The following GPR158 variants were observed in gnomAD, a reference collection of about 807,000 sequenced individuals.
GPR158 encodes the protein G protein-coupled receptor 158.
A neutral mutation model predicts 78.2 loss-of-function variants in GPR158; 30 were observed. That is an observed-to-expected ratio of 0.38 (90% CI 0.29 to 0.52). The LOEUF is 0.52. GPR158 is among the 20% of genes least tolerant of loss of function. GPR158 has a pLI of 0.83. For missense variants in GPR158, 1,463 were observed against 1,523.5 expected, an observed-to-expected ratio of 0.96 and a Z score of 0.66; for synonymous variants, 581 against 591.1, an observed-to-expected ratio of 0.98 and a Z score of 0.25.
At chr10:25,489,843 C>A (rs931340218) in intron 5 of GPR158, among the ~76,000 whole-genome samples, 1 of 152,130 alleles carries the variant, frequency 6.6e-6, no homozygotes, top group African/African-American at 2.4e-5. Context: ...TCATACCATA[C>A]ACACAGAGAA....
chr10:25,226,367 T>C (rs990193532), intron 2 of GPR158, among the ~76,000 whole-genome samples: 16 of 152,236 alleles, frequency 1.1e-4, no homozygotes, highest in African/African-American at 3.9e-4. Context: ...CACAGGCTTT[T>C]TAAAACTTTC....
chr10:25,339,839 G>A (rs761495930), intron 2 of GPR158, among the ~76,000 whole-genome samples: 1 of 152,012 alleles, frequency 6.6e-6, no homozygotes, highest in Non-Finnish European at 1.5e-5. Flanking sequence ...AACTGACCTT[G>A]TATTTCTGGA....
chr10:25,578,926 G>A (rs975175949), intron 7 of GPR158, among the ~76,000 whole-genome samples: 6 of 151,950 alleles, frequency 3.9e-5, no homozygotes, highest in Admixed American at 1.3e-4. Context: ...GGAGAATGGC[G>A]TGAACCTGGG....
At chr10:25,378,331 A>G (rs1834111311) in intron 2 of GPR158, among the ~76,000 whole-genome samples, 1 of 152,046 alleles carries the variant, frequency 6.6e-6, no homozygotes, top group African/African-American at 2.4e-5. Context: ...TTTCATATAA[A>G]CTGAATGGCT....
In GPR158 at chr10:25,303,330, C is replaced by G. The variant is rs1475574341; in HGVS notation, c.1008+82173C>G. Among the ~76,000 whole-genome samples, 5 of 152,134 alleles carry G rather than the reference C, an allele frequency of 3.3e-5. No homozygotes were observed. The East Asian group carries it at 9.6e-4, about 29-fold the overall frequency. The stretch of plus-strand genomic sequence containing the variant: ...TGGACAGCCCAGGTTTAGGACATTT[C>G]CATTAGAAAGCTCTATTGGACGTCA... On this transcript the variant is annotated intron_variant, in intron 2 of 10. Coordinates refer to ENST00000376351, the MANE Select transcript of GPR158 (RefSeq NM_020752.3).
At chr10:25,570,558 A>G (rs1836991809) in intron 6 of GPR158, among the ~76,000 whole-genome samples, 2 of 152,108 alleles carry the variant, frequency 1.3e-5, no homozygotes, top group South Asian at 4.1e-4. Flanking sequence ...ACTTCCACTA[A>G]GTTAGCTTTT....
chr10:25,594,535 G>T, intron 9 of GPR158, 138 bp downstream of exon 9: 2 of 467,766 alleles, frequency 4.3e-6, no homozygotes, highest in Non-Finnish European at 3.8e-6. Flanking sequence ...TCAGGAAACT[G>T]GCTGTTTTCT....
rs11393897 is a variant in GPR158 at position 25,379,647 on chromosome 10, C to CTTTTT, written c.1009-16250_1009-16246dup. Among the ~76,000 whole-genome samples the CTTTTT allele has an allele frequency of 2.9e-3, 311 of 106,982 alleles. 14 individuals carry two copies. Among genetic ancestry groups the CTTTTT allele is most frequent in the Non-Finnish European group, 4.5e-3 (247 of 55,402 alleles). 70.2% of individuals were successfully genotyped at this position (106,982 alleles called of 152,430 possible). On this transcript the variant is annotated intron_variant, in intron 2 of 10. Transcript: ENST00000376351. ...TTCAACAAATTTTTTTGAGGATTAG[C>CTTTTT]TTTTTTTTTTTTTTTTTTCTGTACT...
chr10:25,359,605 C>T (rs115491969), intron 2 of GPR158, among the ~76,000 whole-genome samples: 1,693 of 152,124 alleles, frequency 0.011, 35 homozygotes, highest in African/African-American at 0.038. Flanking sequence ...TTTTTATGGC[C>T]GCACAGTATT....
intron 2 of GPR158, among the ~76,000 whole-genome samples, chr10:25,288,092 A>G (rs186592257): frequency 3.9e-5 from 6 of 152,322 alleles, no homozygotes; most frequent in Admixed American, 3.9e-4. Flanking sequence ...AATGCATACT[A>G]TGTGTGAAAC....
chr10:25,476,169 A>C (rs1466883944), intron 5 of GPR158, among the ~76,000 whole-genome samples: 1 of 152,170 alleles, frequency 6.6e-6, no homozygotes, highest in Non-Finnish European at 1.5e-5. Context: ...AAGTCTGTAC[A>C]TTTGTGAACG....
rs2130639171 is a variant in GPR158 at position 25,483,707 on chromosome 10, G to C, written c.1404+16988G>C. On this transcript the variant is annotated intron_variant, in intron 5 of 10. Transcript: ENST00000376351. ...GCTTAAAAAATATTTGTTAAATAATGAACATTTTTCAGAAATTTCTTCATA... is the reference window on the plus strand; with the variant it reads ...GCTTAAAAAATATTTGTTAAATAATCAACATTTTTCAGAAATTTCTTCATA... Among the ~76,000 whole-genome samples, 2 of 152,194 alleles carry C rather than the reference G, an allele frequency of 1.3e-5. 1 individual carries two copies. The highest frequency in any genetic ancestry group is 3.9e-4 in the East Asian group (2 of 5,166).
In GPR158 at chr10:25,599,238, T is replaced by C; in HGVS notation, c.3612T>C (p.Pro1204=). The C allele has an allele frequency of 6.2e-7, 1 of 1,612,508 alleles. No individual in the cohort carries two copies. Among genetic ancestry groups the C allele is most frequent in the Non-Finnish European group, 8.5e-7 (1 of 1,179,702 alleles). Residue 1204 remains proline, a synonymous_variant, in exon 11 of 11, where the codon CCT becomes CCC. Transcript: ENST00000376351. ...SALSANKIAG[P]RKEEIWDSFK... is the part of the protein sequence containing the mutation. ...TAAGTGCAAATAAGATAGCAGGGCC[T>C]AGGAAAGAAGAGATCTGGGATAGTT...
intron 2 of GPR158, among the ~76,000 whole-genome samples, chr10:25,221,871 C>T (rs993574863): frequency 2.6e-5 from 4 of 152,176 alleles, no homozygotes; most frequent in African/African-American, 4.8e-5. Context: ...ATCTTAAATA[C>T]TTGGGCTAGT....
chr10:25,544,281 T>C (rs1372714183), intron 5 of GPR158, among the ~76,000 whole-genome samples: 1 of 117,356 alleles, frequency 8.5e-6, no homozygotes, highest in Admixed American at 8.1e-5. Flanking sequence ...AGAATCAGCA[T>C]AGTGTTTTAT....
intron 2 of GPR158, among the ~76,000 whole-genome samples, chr10:25,225,264 G>T (rs370044895): frequency 1.2e-4 from 18 of 149,416 alleles, no homozygotes; most frequent in East Asian, 7.9e-4. Context: ...AATAATCAGA[G>T]AATCTTTATG....
intron 2 of GPR158, among the ~76,000 whole-genome samples, chr10:25,285,953 C>T (rs1313884100): frequency 6.6e-6 from 1 of 152,152 alleles, no homozygotes; most frequent in Non-Finnish European, 1.5e-5. Flanking sequence ...AGGTGGCATT[C>T]CATTGTCTTC....
chr10:25,592,711 G>A (rs1204008870), intron 8 of GPR158, among the ~76,000 whole-genome samples: 1 of 151,758 alleles, frequency 6.6e-6, no homozygotes, highest in Non-Finnish European at 1.5e-5. Flanking sequence ...AAGTTTATTT[G>A]GTTTGCATTT....
At chr10:25,229,073 C>T (rs945145821) in intron 2 of GPR158, among the ~76,000 whole-genome samples, 7 of 150,936 alleles carry the variant, frequency 4.6e-5, no homozygotes, top group Admixed American at 6.6e-5. Context: ...TAAGCTAGCT[C>T]GCAGTTTGTA....
Sources: gnomAD v4.1 joint callset for allele counts (sites outside exome capture counted in the v4.1 genomes callset) on GRCh38, gnomAD v4.1.1 for gene constraint, MANE v1.5 for transcripts, NCBI Gene and HGNC (gene_info 2026-07-23, HGNC 2026-07-21) for gene names.